CACNA1D: variants seen among roughly 807,000 people sequenced by gnomAD.
The protein encoded by CACNA1D is calcium voltage-gated channel subunit alpha1 D, also known as voltage-dependent L-type calcium channel subunit alpha-1D.
A neutral mutation model predicts 257.1 loss-of-function variants in CACNA1D; 55 were observed. That is an observed-to-expected ratio of 0.21 (90% CI 0.17 to 0.27). CACNA1D has a LOEUF of 0.27. CACNA1D is among the 10% of genes least tolerant of loss of function. The pLI, the probability that CACNA1D is intolerant of heterozygous loss-of-function variation, is 1.00. For missense variants in CACNA1D, 1,876 were observed against 2,784.0 expected, an observed-to-expected ratio of 0.67 and a Z score of 7.34; for synonymous variants, 980 against 1,014.9, an observed-to-expected ratio of 0.97 and a Z score of 0.65.
Position 53,495,095 on chromosome 3 carries a change from C to T in CACNA1D, c.-72C>T. On this transcript the variant is annotated 5_prime_UTR_variant, in exon 1 of 48. Coordinates refer to ENST00000350061, the MANE Select transcript of CACNA1D (RefSeq NM_001128840.3). This position sits in a 1 kb window ranked among gnomAD's most constrained non-coding sequence, Gnocchi z 5.1. The stretch of plus-strand genomic sequence containing the variant: ...GCTCCTACCTCTTGGTGATCCCCTT[C>T]CCCATTCCGCCCCCGCCTCAACGCC... 1 of 1,130,176 alleles carries T rather than the reference C, an allele frequency of 8.8e-7. No individual in the cohort carries two copies. The highest frequency in any genetic ancestry group is 1.3e-6 in the Non-Finnish European group (1 of 774,628). 70.0% of individuals were successfully genotyped at this position (1,130,176 alleles called of 1,614,324 possible).
intron 8 of CACNA1D, among the ~76,000 whole-genome samples, chr3:53,693,010 C>T (rs111985981): frequency 3.4e-4 from 52 of 152,294 alleles, no homozygotes; most frequent in Non-Finnish European, 7.1e-4. Context: ...CCACTGCACT[C>T]CAGCCTGGGC....
intron 19 of CACNA1D, among the ~76,000 whole-genome samples, chr3:53,734,132 C>CT (rs2095033269): frequency 6.6e-6 from 1 of 150,870 alleles, no homozygotes; most frequent in South Asian, 2.1e-4. Context: ...CCAGACTCAA[C>CT]TGCTAACCAC....
intron 2 of CACNA1D, among the ~76,000 whole-genome samples, chr3:53,499,053 G>A (rs1218111400): frequency 6.6e-6 from 1 of 152,224 alleles, no homozygotes; most frequent in Non-Finnish European, 1.5e-5. Context: ...ACGACTCTGA[G>A]TAAGCAGAGA....
chr3:53,776,134 G>T, intron 35 of CACNA1D, 89 bp downstream of exon 35: 1 of 1,210,720 alleles, frequency 8.3e-7, no homozygotes, highest in East Asian at 2.3e-5. Context: ...CTGTCCCATC[G>T]CCTGAGGACA....
chr3:53,635,290 C>A (rs2093869520), intron 3 of CACNA1D, among the ~76,000 whole-genome samples: 1 of 152,168 alleles, frequency 6.6e-6, no homozygotes, highest in Non-Finnish European at 1.5e-5. Context: ...GGGTGGGTAC[C>A]CATGGCCCAG....
chr3:53,779,707 A>T (rs1054189231), intron 37 of CACNA1D, among the ~76,000 whole-genome samples: 2 of 152,140 alleles, frequency 1.3e-5, no homozygotes, highest in African/African-American at 4.8e-5. Context: ...GGCCCTCATC[A>T]ACAGAATGAG....
At chr3:53,768,114 T>G (rs2095345166) in intron 30 of CACNA1D, among the ~76,000 whole-genome samples, 1 of 152,232 alleles carries the variant, frequency 6.6e-6, no homozygotes, top group African/African-American at 2.4e-5. Context: ...GTTGCTGACT[T>G]TCACAAACTC....
intron 3 of CACNA1D, among the ~76,000 whole-genome samples, chr3:53,588,784 A>C (rs1272496075): frequency 6.6e-6 from 1 of 152,198 alleles, no homozygotes; most frequent in Non-Finnish European, 1.5e-5. Flanking sequence ...ATCATTCTGA[A>C]AGTTAGGAAA....
At chr3:53,697,357 A>G (rs1559531551) in intron 8 of CACNA1D, among the ~76,000 whole-genome samples, 1 of 152,210 alleles carries the variant, frequency 6.6e-6, no homozygotes, top group Non-Finnish European at 1.5e-5. Flanking sequence ...TTTTTTGTAC[A>G]TAGCCTTCCT....
At chr3:53,712,772 AAAAT>A (rs1360107796) in intron 9 of CACNA1D, among the ~76,000 whole-genome samples, 2 of 152,172 alleles carry the variant, frequency 1.3e-5, no homozygotes, top group Non-Finnish European at 2.9e-5. Flanking sequence ...AGGAAATGCT[AAAAT>A]AAATTCCTGA....
intron 41 of CACNA1D, 32 bp from the exon 42 acceptor site, chr3:53,801,026 A>G (rs757598320): frequency 3.2e-5 from 52 of 1,612,242 alleles, no homozygotes; most frequent in Middle Eastern, 3.3e-4. Context: ...TACTTGTTAA[A>G]TTACCTGGTG....
chr3:53,592,019 C>T (rs566933477), intron 3 of CACNA1D, among the ~76,000 whole-genome samples: 13 of 152,318 alleles, frequency 8.5e-5, no homozygotes, highest in Admixed American at 5.2e-4. Context: ...TCATTTCTCT[C>T]GTTCCTTCAG....
intron 3 of CACNA1D, among the ~76,000 whole-genome samples, chr3:53,615,078 A>T (rs944082664): frequency 1.3e-5 from 2 of 152,226 alleles, no homozygotes; most frequent in African/African-American, 2.4e-5. Context: ...AAGTTGCTGC[A>T]GCCTTCATTT....
chr3:53,689,943 A>G (rs1434581394), intron 8 of CACNA1D, among the ~76,000 whole-genome samples: 2 of 152,146 alleles, frequency 1.3e-5, no homozygotes, highest in African/African-American at 4.8e-5. Flanking sequence ...TACAGGTATG[A>G]GCCACTGCAC....
intron 15 of CACNA1D, among the ~76,000 whole-genome samples, chr3:53,730,214 C>T (rs2094976021): frequency 6.6e-6 from 1 of 152,020 alleles, no homozygotes; most frequent in African/African-American, 2.4e-5. Context: ...CTTAATTTTA[C>T]TTCTGTAGAC....
At chr3:53,697,392 A>G (rs959920012) in intron 8 of CACNA1D, among the ~76,000 whole-genome samples, 36 of 152,220 alleles carry the variant, frequency 2.4e-4, no homozygotes, top group African/African-American at 8.2e-4. Context: ...AGTGGCGCCA[A>G]GGGGAAATAG....
chr3:53,786,728 T>TCTGCCC (rs1277526171), intron 39 of CACNA1D, 94 bp from the exon 40 acceptor site: 56 of 253,348 alleles, frequency 2.2e-4, no homozygotes, highest in Admixed American at 1.3e-3. Flanking sequence ...CCCGCCCCAC[T>TCTGCCC]CTGCCCCTGC....
Position 53,774,189 on chromosome 3 carries a change from T to G in CACNA1D, c.4111-398T>G. 1 of 259,470 alleles carries G rather than the reference T, an allele frequency of 3.9e-6. No homozygotes were observed. Among genetic ancestry groups the G allele is most frequent in the Non-Finnish European group, 7.6e-6 (1 of 132,210 alleles). The allele number at this position is 259,470 out of a possible 1,614,324, so 16.1% of individuals were successfully genotyped here. A position where few individuals can be genotyped will look rare whatever the true frequency, so the allele number is the denominator to read the frequency against. On this transcript the variant is annotated intron_variant, in intron 33 of 47. Coordinates refer to ENST00000350061, the MANE Select transcript of CACNA1D (RefSeq NM_001128840.3). This position sits in a 1 kb window ranked among gnomAD's most constrained non-coding sequence, Gnocchi z 4.3. ...GCCTTTCCTATCACCTGATGTATCT[T>G]TCAGTTCTGAGTTTACATGTCACTT...
At chr3:53,667,868 T>A (rs1381907935) in intron 7 of CACNA1D, among the ~76,000 whole-genome samples, 1 of 152,020 alleles carries the variant, frequency 6.6e-6, no homozygotes, top group Non-Finnish European at 1.5e-5. Flanking sequence ...TATGCACATC[T>A]GTTATTTATA....
Sources: gnomAD v4.1 joint callset for allele counts (sites outside exome capture counted in the v4.1 genomes callset) on GRCh38, gnomAD v4.1.1 for gene constraint, Gnocchi (gnomAD v3.1) non-coding constraint, MANE v1.5 for transcripts, NCBI Gene and HGNC (gene_info 2026-07-23, HGNC 2026-07-21) for gene names.